Variants in SDK1 observed in about 807,000 individuals in gnomAD.
SDK1 encodes sidekick cell adhesion molecule 1.
In SDK1, 157 loss-of-function variants were observed where a neutral mutation model predicts 245.5. The ratio of observed to expected loss-of-function variants is 0.64; its 90% CI spans 0.56 to 0.73. The LOEUF (loss-of-function observed/expected upper bound fraction) is 0.73. SDK1 is among the 30% of genes least tolerant of loss of function. The pLI, the probability that SDK1 is intolerant of heterozygous loss-of-function variation, is 0.00. For synonymous variants in SDK1, 1,647 were observed against 1,278.5 expected (o/e 1.29, Z -6.15); for missense variants, 3,583 against 3,002.3 (o/e 1.19, Z -4.52).
intron 44 of SDK1, among the ~76,000 whole-genome samples, chr7:4,248,992 AAC>A (rs1255299697): frequency 3.3e-5 from 5 of 152,082 alleles, no homozygotes; most frequent in Admixed American, 3.3e-4. Flanking sequence ...ATACATGCAC[AAC>A]ACATACATAC....
chr7:3,815,984 C>T (rs1779499263), intron 4 of SDK1, among the ~76,000 whole-genome samples: 2 of 143,128 alleles, frequency 1.4e-5, no homozygotes, highest in Non-Finnish European at 3.0e-5. Flanking sequence ...ACAACCTGCT[C>T]CTGAATGACT....
Position 3,813,797 on chromosome 7 carries a change from T to C in SDK1, c.714-7653T>C, listed in dbSNP as rs200367734. Among the ~76,000 whole-genome samples the C allele has an allele frequency of 8.7e-3, 956 of 109,718 alleles. 51 individuals carry two copies. In the East Asian group the frequency reaches 0.14, roughly 16 times the overall value. The allele number at this position is 109,718 out of a possible 152,430, so 72.0% of individuals were successfully genotyped here. On this transcript the variant is annotated intron_variant, in intron 4 of 44. Coordinates refer to ENST00000404826, the MANE Select transcript of SDK1 (RefSeq NM_152744.4). ...TGTTGTTTCCTGACTTTTTAATGAT[T>C]GCCATTCTAACTGGTGTGAGATGAT...
chr7:3,455,190 C>A lies in SDK1; in HGVS notation c.298+153306C>A, dbSNP rs1454463271. The stretch of plus-strand genomic sequence containing the variant: ...AAAATATATATTCTAGATACTTGTT[C>A]TTTGCTGGATATGTGGGTTGCAGAT... On this transcript the variant is annotated intron_variant, in intron 1 of 44. Transcript: ENST00000404826. Among the ~76,000 whole-genome samples, 4 of 150,694 alleles carry A rather than the reference C, an allele frequency of 2.7e-5. No individual in the cohort carries two copies. In the East Asian group the frequency reaches 5.8e-4, roughly 22 times the overall value.
At chr7:3,622,276 G>A (rs914014036) in intron 2 of SDK1, among the ~76,000 whole-genome samples, 13 of 152,054 alleles carry the variant, frequency 8.5e-5, no homozygotes, top group Admixed American at 3.3e-4. Context: ...TCAGGAGTTC[G>A]ACACCACCAG....
intron 1 of SDK1, among the ~76,000 whole-genome samples, chr7:3,409,776 G>C (rs73034713): frequency 1.3e-5 from 2 of 152,040 alleles, no homozygotes; most frequent in Admixed American, 6.5e-5. Context: ...GCTGTGGTGG[G>C]GTGGAGGGGA....
chr7:4,028,329 G>C (rs755555680), intron 17 of SDK1, among the ~76,000 whole-genome samples: 27 of 152,278 alleles, frequency 1.8e-4, no homozygotes, highest in Non-Finnish European at 2.2e-4. Context: ...ATAGCAGAGG[G>C]CTTGTACCCA....
chr7:3,414,263 C>T lies in SDK1; in HGVS notation c.298+112379C>T, dbSNP rs555827913. Among the ~76,000 whole-genome samples the T allele has an allele frequency of 5.9e-5, 9 of 151,982 alleles. No homozygotes were observed. In the South Asian group the frequency reaches 1.7e-3, roughly 28 times the overall value. On this transcript the variant is annotated intron_variant, in intron 1 of 44. Transcript: ENST00000404826. ...GAGGAGGAGGAGAAATTTGAAGGGTCCTAGGGCATTTTCTGAGACGAGTGG... is the reference window on the plus strand; with the variant it reads ...GAGGAGGAGGAGAAATTTGAAGGGTTCTAGGGCATTTTCTGAGACGAGTGG...
At position 4,241,924 on chromosome 7, in the gene SDK1, A is replaced by T; in HGVS notation, c.6251+11A>T. On this transcript the variant is annotated intron_variant, in intron 43 of 44. Coordinates refer to ENST00000404826, the MANE Select transcript of SDK1 (RefSeq NM_152744.4). ...GAAGAACGGGACCAGGTAGGCAGGC[A>T]GTGCTGTGCTGCGCCCACCTGGGGA... 2 of 1,611,804 alleles carry T rather than the reference A, an allele frequency of 1.2e-6. No individual in the cohort carries two copies. Among genetic ancestry groups the T allele is most frequent in the Non-Finnish European group, 1.7e-6 (2 of 1,179,948 alleles).
At chr7:3,895,615 C>T (rs1339825350) in intron 5 of SDK1, among the ~76,000 whole-genome samples, 3 of 150,920 alleles carry the variant, frequency 2.0e-5, no homozygotes, top group Non-Finnish European at 2.9e-5. Flanking sequence ...TCTCTTTCCA[C>T]TCCGCTGTCC....
In SDK1 at chr7:3,681,673, A is replaced by G. The variant is rs547358059; in HGVS notation, c.713+39568A>G. ...CAAAGATCATGTGCTTTTTTTTTAT[A>G]TTTTTATCCCAAGTATCTAGAACAG... On this transcript the variant is annotated intron_variant, in intron 4 of 44. Transcript: ENST00000404826. Among the ~76,000 whole-genome samples, 5 of 152,000 alleles carry G rather than the reference A, an allele frequency of 3.3e-5. No homozygotes were observed. In the South Asian group the frequency reaches 1.0e-3, roughly 32 times the overall value.
intron 35 of SDK1, among the ~76,000 whole-genome samples, chr7:4,203,655 G>A (rs146625456): frequency 1.0e-3 from 157 of 152,214 alleles, no homozygotes; most frequent in African/African-American, 3.6e-3. Context: ...CACGCTTTAC[G>A]GAGAAGGAGA....
chr7:3,514,149 A>C (rs534710796), intron 1 of SDK1, among the ~76,000 whole-genome samples: 1 of 152,276 alleles, frequency 6.6e-6, no homozygotes, highest in East Asian at 1.9e-4. Flanking sequence ...TTTCAGAGCA[A>C]ATGTCTTTAG....
At chr7:3,908,408 C>T (rs1442810198) in intron 5 of SDK1, among the ~76,000 whole-genome samples, 1 of 152,180 alleles carries the variant, frequency 6.6e-6, no homozygotes, top group African/African-American at 2.4e-5. Context: ...CCGACAGCGT[C>T]GACACATCCC....
At chr7:3,727,732 C>G (rs1241575604) in intron 4 of SDK1, among the ~76,000 whole-genome samples, 3 of 152,086 alleles carry the variant, frequency 2.0e-5, no homozygotes, top group East Asian at 1.9e-4. Context: ...CTCGGGTGAT[C>G]CACCCGCCTC....
At chr7:4,150,208 C>T (rs1039807122) in intron 30 of SDK1, among the ~76,000 whole-genome samples, 5 of 152,178 alleles carry the variant, frequency 3.3e-5, no homozygotes, top group Non-Finnish European at 7.4e-5. Context: ...TGACCAGGCC[C>T]TCCTGGGGCC....
intron 37 of SDK1, among the ~76,000 whole-genome samples, chr7:4,209,283 A>AGAGG: frequency 6.6e-6 from 1 of 152,108 alleles, no homozygotes; most frequent in East Asian, 1.9e-4. Context: ...GGGAGGGCAG[A>AGAGG]GAGGGAGGAG....
intron 12 of SDK1, among the ~76,000 whole-genome samples, chr7:3,973,947 C>T (rs1181353561): frequency 1.3e-5 from 2 of 151,806 alleles, no homozygotes; most frequent in South Asian, 2.1e-4. Context: ...TTTGGGAGGC[C>T]GAGACGGGCA....
chr7:3,687,280 C>T lies in SDK1; in HGVS notation c.713+45175C>T, dbSNP rs188121258. ...AGGAGCTGGGACTACAGGCACACGT[C>T]ACCACACCCAGCTAATTTTTGTATT... On this transcript the variant is annotated intron_variant, in intron 4 of 44. Transcript: ENST00000404826. Among the ~76,000 whole-genome samples the T allele has an allele frequency of 4.1e-3, 629 of 151,890 alleles. 5 individuals are homozygous for T. The highest frequency in any genetic ancestry group is 0.014 in the African/African-American group (585 of 41,388).
intron 1 of SDK1, among the ~76,000 whole-genome samples, chr7:3,544,443 C>T (rs59737375): frequency 0.027 from 4,187 of 152,310 alleles, 97 homozygotes; most frequent in South Asian, 0.051. Context: ...GCCTGGGTCC[C>T]GGCCATGCCC....
Sources: allele counts gnomAD v4.1 joint callset (sites outside exome capture counted in the v4.1 genomes callset), GRCh38; gene constraint gnomAD v4.1.1; transcripts MANE v1.5; gene names NCBI Gene and HGNC (gene_info 2026-07-23, HGNC 2026-07-21).